The following ARMC8 variants were observed in gnomAD, a reference collection of about 807,000 sequenced individuals.
ARMC8 encodes armadillo repeat containing 8, also known as armadillo repeat-containing protein 8.
Under a neutral mutation model 99.3 loss-of-function variants are expected in ARMC8, and 20 were observed. The ratio of observed to expected loss-of-function variants is 0.20; its 90% CI spans 0.14 to 0.29. The LOEUF (loss-of-function observed/expected upper bound fraction) is 0.29, where lower values mean the gene tolerates loss of function less well. ARMC8 is among the 10% of genes least tolerant of loss of function. The pLI, the probability that ARMC8 is intolerant of heterozygous loss-of-function variation, is 1.00. For missense variants in ARMC8, 569 were observed against 809.5 expected (o/e 0.70, Z 3.60); for synonymous variants, 263 against 278.3 (o/e 0.95, Z 0.55).
chr3:138,219,344 G>A (rs1337011600), intron 2 of ARMC8, among the ~76,000 whole-genome samples: 1 of 152,148 alleles, frequency 6.6e-6, no homozygotes, highest in Non-Finnish European at 1.5e-5. Flanking sequence ...ATATTTCCAG[G>A]TCAGATTGGC....
At chr3:138,243,275 A>G (rs560843727) in intron 11 of ARMC8, among the ~76,000 whole-genome samples, 11 of 152,358 alleles carry the variant, frequency 7.2e-5, no homozygotes, top group African/African-American at 2.6e-4. Flanking sequence ...GTAAAACTGT[A>G]ACAACAATAA....
intron 15 of ARMC8, among the ~76,000 whole-genome samples, chr3:138,267,942 TTAA>T (rs1399078138): frequency 6.6e-6 from 1 of 152,096 alleles, no homozygotes; most frequent in Non-Finnish European, 1.5e-5. Context: ...AAAGGTAGTA[TTAA>T]TAAGATGGAG....
At chr3:138,267,703 C>T (rs1311241705) in intron 15 of ARMC8, among the ~76,000 whole-genome samples, 2 of 151,882 alleles carry the variant, frequency 1.3e-5, no homozygotes, top group African/African-American at 4.8e-5. Context: ...GATGGGGGTT[C>T]CCTTCTGCAT....
chr3:138,246,627 T>G, intron 12 of ARMC8: 2 of 985,560 alleles, frequency 2.0e-6, no homozygotes, highest in Non-Finnish European at 2.4e-6. Flanking sequence ...TCTCATGGAC[T>G]GAAAGGTAGA....
intron 1 of ARMC8, among the ~76,000 whole-genome samples, chr3:138,191,852 T>A (rs1251975926): frequency 3.3e-5 from 5 of 152,258 alleles, no homozygotes; most frequent in African/African-American, 1.2e-4. Flanking sequence ...TTTTTATTGT[T>A]AAGTAGTATT....
At chr3:138,268,046 C>T (rs1258195265) in intron 15 of ARMC8, among the ~76,000 whole-genome samples, 2 of 152,012 alleles carry the variant, frequency 1.3e-5, no homozygotes, top group Non-Finnish European at 2.9e-5. Flanking sequence ...AGTTTGAGAC[C>T]AGCCTGGCCA....
intron 12 of ARMC8, among the ~76,000 whole-genome samples, chr3:138,259,449 A>C (rs1284842848): frequency 6.6e-6 from 1 of 152,166 alleles, no homozygotes; most frequent in Non-Finnish European, 1.5e-5. Context: ...GTTAGATCAT[A>C]TTGTCCATAC....
rs764961729 is a variant in ARMC8 at position 138,228,952 on chromosome 3, T to C, written c.470T>C (p.Leu157Pro). The change falls in exon 6 of 22, where the codon CTT becomes CCT. Residue 157 changes from leucine to proline, a missense_variant. By Grantham distance (98) the Leu-to-Pro change is moderately conservative (BLOSUM62 -3). Around this residue, in one of 2 missense-constraint regions of ARMC8, gnomAD observed 342 missense variants for 391.6 expected, o/e 0.87. Transcript: ENST00000469044. ...ATVIPHLMAL[L>P]SRSRYTQEYI... ...GTGATACCACACCTCATGGCACTGC[T>C]TAGCAGGTCCCGCTATACCCAGGAG... 6.2e-7 allele frequency: 1 copy of C among 1,610,186 alleles called. No homozygotes were observed. Among genetic ancestry groups the C allele is most frequent in the Non-Finnish European group, 8.5e-7 (1 of 1,177,794 alleles).
intron 4 of ARMC8, 45 bp downstream of exon 4, chr3:138,223,576 T>C (rs1295396670): frequency 6.2e-7 from 1 of 1,614,056 alleles, no homozygotes; most frequent in Non-Finnish European, 8.5e-7. Context: ...TAAGAATCAG[T>C]TTGCAGTGCT....
In ARMC8 at chr3:138,224,614, G is replaced by A. The variant is rs146289942; in HGVS notation, c.435+881G>A. On this transcript the variant is annotated intron_variant, in intron 5 of 21. Transcript: ENST00000469044. ...AAAACTACAGAAATTAACCGGGCAC[G>A]GTGGCACATACCTGCAACACCAGCT... Among the ~76,000 whole-genome samples the A allele has an allele frequency of 7.2e-4, 110 of 152,226 alleles. 1 individual carries two copies. The highest frequency in any genetic ancestry group is 2.5e-3 in the African/African-American group (103 of 41,524).
intron 21 of ARMC8, among the ~76,000 whole-genome samples, chr3:138,294,930 C>G (rs534575772): frequency 1.3e-5 from 2 of 149,264 alleles, no homozygotes; most frequent in East Asian, 3.9e-4. Context: ...TGGAGTTTCA[C>G]TCTTGTCGCA....
In ARMC8 at chr3:138,204,773, C is replaced by T. The variant is rs184472757; in HGVS notation, c.46-5044C>T. Among the ~76,000 whole-genome samples, 21 of 152,318 alleles carry T rather than the reference C, an allele frequency of 1.4e-4. No homozygotes were observed. The East Asian group carries it at 3.9e-3, about 28-fold the overall frequency. On this transcript the variant is annotated intron_variant, in intron 1 of 21. Transcript: ENST00000469044. ...TCTACACTGGCTGCTTGTTTGACTA[C>T]TCCAGAGCAGAGTCTTCCAGTCTTG...
chr3:138,228,956 C>T lies in ARMC8; in HGVS notation c.474C>T (p.Ser158=). The T allele has an allele frequency of 6.2e-7, 1 of 1,609,788 alleles. No homozygotes were observed. Among genetic ancestry groups the T allele is most frequent in the Non-Finnish European group, 8.5e-7 (1 of 1,177,574 alleles). Residue 158 remains serine (S), a synonymous_variant, in exon 6 of 22, where the codon AGC becomes AGT. Coordinates refer to ENST00000469044, the MANE Select transcript of ARMC8 (RefSeq NM_001363941.2). The part of the protein sequence containing the change: ...TVIPHLMALL[S]RSRYTQEYIC... ...TACCACACCTCATGGCACTGCTTAG[C>T]AGGTCCCGCTATACCCAGGAGTACA...
chr3:138,230,543 C>T (rs1365567566), intron 6 of ARMC8, among the ~76,000 whole-genome samples: 1 of 152,060 alleles, frequency 6.6e-6, no homozygotes, highest in African/African-American at 2.4e-5. Context: ...GTCCCAGCTA[C>T]CCCAGAGACT....
intron 18 of ARMC8, among the ~76,000 whole-genome samples, chr3:138,279,930 A>G (rs1297528318): frequency 6.6e-6 from 1 of 151,326 alleles, no homozygotes; most frequent in African/African-American, 2.4e-5. Context: ...TTGGAGACAG[A>G]GTCTCGCTGT....
rs150370060 is a variant in ARMC8, at chr3:138,206,444, C to A, written c.46-3373C>A. 1.5e-3 allele frequency among the ~76,000 whole-genome samples: 226 copies of A among 152,276 alleles called. 1 individual carries two copies. The highest frequency in any genetic ancestry group is 5.1e-3 in the African/African-American group (213 of 41,564). On this transcript the variant is annotated intron_variant, in intron 1 of 21. Transcript: ENST00000469044. The stretch of plus-strand genomic sequence containing the variant: ...TTCTCCTTTGCTCATTCTGCTCCAG[C>A]TATAATGGCCTCCTATTCTTTGATT...
chr3:138,207,718 C>T (rs748630849), intron 1 of ARMC8, among the ~76,000 whole-genome samples: 2 of 152,096 alleles, frequency 1.3e-5, no homozygotes, highest in African/African-American at 2.4e-5. Flanking sequence ...TATGTTCGTA[C>T]AGTTATTTGT....
At chr3:138,218,742 T>C (rs2045226282) in intron 2 of ARMC8, among the ~76,000 whole-genome samples, 1 of 152,170 alleles carries the variant, frequency 6.6e-6, no homozygotes, top group African/African-American at 2.4e-5. Flanking sequence ...TGTGATACTT[T>C]CGTATACTTC....
intron 1 of ARMC8, among the ~76,000 whole-genome samples, chr3:138,205,066 T>C (rs1245634179): frequency 7.7e-6 from 1 of 130,710 alleles, no homozygotes; most frequent in Non-Finnish European, 1.6e-5. Flanking sequence ...TTTTCTTTTT[T>C]TTTTTTTTTT....
Sources: gnomAD v4.1 joint callset for allele counts (sites outside exome capture counted in the v4.1 genomes callset) on GRCh38, gnomAD v4.1.1 for gene constraint, gnomAD v4.1.1 regional missense constraint, MANE v1.5 for transcripts, NCBI Gene and HGNC (gene_info 2026-07-23, HGNC 2026-07-21) for gene names.